The following BLM variants were observed in gnomAD, a reference collection of about 807,000 sequenced individuals.
The protein encoded by BLM is recQ-like DNA helicase BLM.
A neutral mutation model predicts 135.3 loss-of-function variants in BLM; 95 were observed. The observed-to-expected ratio is 0.70, with a 90% CI of 0.59 to 0.83. The LOEUF (loss-of-function observed/expected upper bound fraction) is 0.83, where lower values mean the gene tolerates loss of function less well. BLM is among the 40% of genes least tolerant of loss of function. BLM has a pLI of 0.00. For missense variants in BLM, 1,518 were observed against 1,663.9 expected (o/e 0.91, Z 1.53); for synonymous variants, 520 against 589.2 (o/e 0.88, Z 1.70).
Position 90,803,568 on chromosome 15 carries a change from G to T in BLM, c.3406G>T (p.Ala1136Ser). ...IQSGIFGKGS[A>S]YSRHNAERLF... ...GTCAGGTATATTTGGAAAAGGATCTGCTTATTCACGACACAATGCCGAAAG... is the reference window on the plus strand; with the variant it reads ...GTCAGGTATATTTGGAAAAGGATCTTCTTATTCACGACACAATGCCGAAAG... Residue 1136 changes from alanine (A) to serine (S), a missense_variant, in exon 18 of 22, where the codon GCT (alanine) becomes TCT (serine). Physicochemically the swap from Ala to Ser is moderately conservative, Grantham distance 99. Coordinates refer to ENST00000355112, the MANE Select transcript of BLM (RefSeq NM_000057.4). 1 of 1,613,906 alleles carries T rather than the reference G, an allele frequency of 6.2e-7. No homozygotes were observed. The highest frequency in any genetic ancestry group is 8.5e-7 in the Non-Finnish European group (1 of 1,179,832).
chr15:90,748,868 C>T (rs1360860576), intron 2 of BLM, among the ~76,000 whole-genome samples: 2 of 151,938 alleles, frequency 1.3e-5, no homozygotes, highest in Non-Finnish European at 2.9e-5. Context: ...AGCTATTCTC[C>T]TGCCTCAGCC....
At chr15:90,811,461 G>A in intron 21 of BLM, 55 bp downstream of exon 21, 2 of 1,551,438 alleles carry the variant, frequency 1.3e-6, no homozygotes, top group Non-Finnish European at 1.8e-6. Context: ...AAGGACAAAA[G>A]TGCAACAGCT....
At position 90,751,843 on chromosome 15, in the gene BLM, G is replaced by A. The variant is rs758301305; in HGVS notation, c.856G>A (p.Val286Ile). 57 of 1,612,760 alleles carry A rather than the reference G, an allele frequency of 3.5e-5. No individual in the cohort carries two copies. The highest frequency in any genetic ancestry group is 8.5e-7 in the Non-Finnish European group (1 of 1,179,002). The change falls in exon 4 of 22, where the codon GTT becomes ATT. Residue 286 changes from valine to isoleucine, a missense_variant. By Grantham distance (29) the Val-to-Ile change is conservative (BLOSUM62 3). Coordinates refer to ENST00000355112, the MANE Select transcript of BLM (RefSeq NM_000057.4). ...EEAELHSTEK[V>I]PCIEFDDDDY... The stretch of plus-strand genomic sequence containing the variant: ...AGCTGAATTACATTCAACTGAGAAA[G>A]TTCCATGTATTGAATTTGATGATGA...
chr15:90,773,095 C>CAAAAAAAAAAAAAAAAAAAAAA (rs780966709), intron 12 of BLM, among the ~76,000 whole-genome samples: 1 of 43,438 alleles, frequency 2.3e-5, no homozygotes, highest in African/African-American at 9.6e-5. Flanking sequence ...GAGACTGTCT[C>CAAAAAAAAAAAAAAAAAAAAAA]AAAAAAAAAA....
At chr15:90,755,209 C>A (rs1426608813) in intron 5 of BLM, 1 of 451,144 alleles carries the variant, frequency 2.2e-6, no homozygotes, top group African/African-American at 2.0e-5. Context: ...AGATCTGCAA[C>A]TTTAATTCTA....
chr15:90,719,473 C>T (rs982872693), intron 1 of BLM, among the ~76,000 whole-genome samples: 4 of 152,022 alleles, frequency 2.6e-5, no homozygotes, highest in Admixed American at 2.6e-4. Flanking sequence ...TGGTGGTGTG[C>T]GCCTGTGGTT....
In BLM at chr15:90,766,981, A is replaced by G. The variant is rs773864863; in HGVS notation, c.2265A>G (p.Lys755=). Residue 755 remains lysine, a synonymous_variant, in exon 10 of 22, where the codon AAA becomes AAG. Coordinates refer to ENST00000355112, the MANE Select transcript of BLM (RefSeq NM_000057.4). ...EATNIYLQLS[K]KDPIIKLLYV... ...CAAATATTTACCTCCAGTTATCAAA[A>G]AAAGACCCAATCATAAAACTTCTAT... 6.2e-7 allele frequency: 1 copy of G among 1,601,660 alleles called. No homozygotes were observed.
intron 17 of BLM, among the ~76,000 whole-genome samples, chr15:90,801,740 C>T (rs533166956): frequency 6.6e-6 from 1 of 151,978 alleles, no homozygotes; most frequent in South Asian, 2.1e-4. Flanking sequence ...AAGGATGAGT[C>T]AGGGGAATGT....
At chr15:90,762,159 G>T (rs888392938) in intron 7 of BLM, among the ~76,000 whole-genome samples, 2 of 152,174 alleles carry the variant, frequency 1.3e-5, no homozygotes, top group African/African-American at 2.4e-5. Flanking sequence ...GAGTGTTGGG[G>T]TTAGCGTAAC....
rs149483245 is a variant in BLM, at chr15:90,805,634, A to G, written c.3751+1275A>G. On this transcript the variant is annotated intron_variant, in intron 19 of 21. Transcript: ENST00000355112. The stretch of plus-strand genomic sequence containing the variant: ...AAAACCCGTCTCTACTAAAAATACA[A>G]AAAATCAGCCAGGTGTGGTGGTGGG... 5.5e-3 allele frequency among the ~76,000 whole-genome samples: 821 copies of G among 149,462 alleles called. 3 individuals are homozygous for G. The highest frequency in any genetic ancestry group is 8.9e-3 in the Non-Finnish European group (600 of 67,266).
intron 1 of BLM, among the ~76,000 whole-genome samples, chr15:90,731,887 A>T (rs180969041): frequency 6.6e-6 from 1 of 152,236 alleles, no homozygotes; most frequent in East Asian, 1.9e-4. Context: ...TTTGGTAGAG[A>T]TGAGGTTTCA....
chr15:90,762,882 A>T, intron 7 of BLM, 84 bp from the exon 8 acceptor site: 1 of 1,270,002 alleles, frequency 7.9e-7, no homozygotes, highest in Non-Finnish European at 1.1e-6. Flanking sequence ...TGTGCCAGTG[A>T]TTCTGCAGGG....
chr15:90,722,768 A>G (rs1286777401), intron 1 of BLM, among the ~76,000 whole-genome samples: 1 of 152,216 alleles, frequency 6.6e-6, no homozygotes, highest in African/African-American at 2.4e-5. Context: ...GAATATTACC[A>G]GGATCCCAGG....
At chr15:90,724,241 G>A (rs1894848355) in intron 1 of BLM, among the ~76,000 whole-genome samples, 1 of 150,454 alleles carries the variant, frequency 6.6e-6, no homozygotes, top group African/African-American at 2.4e-5. Context: ...TCAAACTCCT[G>A]GGCTCAAGCG....
chr15:90,722,205 C>T (rs1251620742), intron 1 of BLM, among the ~76,000 whole-genome samples: 2 of 151,850 alleles, frequency 1.3e-5, no homozygotes, highest in Non-Finnish European at 2.9e-5. Flanking sequence ...CGCCTCCCAG[C>T]TTCATGCCAT....
At chr15:90,799,251 T>G (rs541902376) in intron 17 of BLM, among the ~76,000 whole-genome samples, 3 of 151,878 alleles carry the variant, frequency 2.0e-5, no homozygotes, top group Non-Finnish European at 4.4e-5. Context: ...AAAATAGTAG[T>G]TTGGGAGAGA....
chr15:90,782,943 G>C lies in BLM; in HGVS notation c.2662+15G>C, dbSNP rs1335538618. Reference sequence around the variant, plus strand: ...GCACCACCCATGTGAGTACAGCCATGTGATTAGCTGTCTAGAAGTAACAAA... The same window carrying C: ...GCACCACCCATGTGAGTACAGCCATCTGATTAGCTGTCTAGAAGTAACAAA... On this transcript the variant is annotated intron_variant, in intron 13 of 21. Transcript: ENST00000355112. 1 of 1,561,250 alleles carries C rather than the reference G, an allele frequency of 6.4e-7. No individual in the cohort carries two copies. Among genetic ancestry groups the C allele is most frequent in the Non-Finnish European group, 8.8e-7 (1 of 1,132,084 alleles).
chr15:90,770,266 C>T (rs1277410350), intron 12 of BLM, among the ~76,000 whole-genome samples: 5 of 151,386 alleles, frequency 3.3e-5, no homozygotes, highest in South Asian at 4.2e-4. Flanking sequence ...TTCTGCCTCC[C>T]GGGGTTCACG....
In BLM at chr15:90,785,892, T is replaced by G. The variant is rs117321784; in HGVS notation, c.2823+811T>G. 3.0e-3 allele frequency among the ~76,000 whole-genome samples: 458 copies of G among 152,264 alleles called. 7 individuals are homozygous for G. The highest frequency in any genetic ancestry group is 0.02 in the East Asian group (102 of 5,190). On this transcript the variant is annotated intron_variant, in intron 14 of 21. Coordinates refer to ENST00000355112, the MANE Select transcript of BLM (RefSeq NM_000057.4). ...TTATCCATATTTTAGGATATATGAG[T>G]ACTTCATACCTTTTTATGGTCAGAT... is the stretch of plus-strand genomic sequence containing the variant.
Sources: gnomAD v4.1 joint callset for allele counts (sites outside exome capture counted in the v4.1 genomes callset) on GRCh38, gnomAD v4.1.1 for gene constraint, MANE v1.5 for transcripts, NCBI Gene and HGNC (gene_info 2026-07-23, HGNC 2026-07-21) for gene names.